Variants in TRIO observed in about 807,000 individuals in gnomAD.
TRIO encodes the protein triple functional domain protein.
In TRIO, 58 loss-of-function variants were observed where a neutral mutation model predicts 351.9. The observed-to-expected ratio is 0.16, with a 90% CI of 0.13 to 0.21. The LOEUF (loss-of-function observed/expected upper bound fraction) is 0.21, where lower values mean the gene tolerates loss of function less well. Among genes scored for constraint, TRIO ranks in the 10% least tolerant of loss-of-function variants. TRIO has a pLI of 1.00. For missense variants in TRIO, 3,201 were observed against 4,027.8 expected, an observed-to-expected ratio of 0.79 and a Z score of 5.56; for synonymous variants, 1,758 against 1,595.7, an observed-to-expected ratio of 1.10 and a Z score of -2.42.
intron 1 of TRIO, among the ~76,000 whole-genome samples, chr5:14,217,623 A>C (rs1007848083): frequency 6.6e-6 from 1 of 152,198 alleles, no homozygotes; most frequent in Non-Finnish European, 1.5e-5. Context: ...AATGATGACA[A>C]GGGCATACCT....
At chr5:14,245,262 T>G (rs1794366538) in intron 1 of TRIO, among the ~76,000 whole-genome samples, 2 of 152,224 alleles carry the variant, frequency 1.3e-5, no homozygotes, top group Admixed American at 6.5e-5. Flanking sequence ...GCTGGCACAG[T>G]TTCTCCATTA....
chr5:14,418,881 G>C (rs1749867050), intron 33 of TRIO: 1 of 152,282 alleles, frequency 6.6e-6, no homozygotes, highest in Non-Finnish European at 1.5e-5. Context: ...GGAGTTTACT[G>C]TCTAAGGGAA....
At chr5:14,216,101 C>G (rs1254170693) in intron 1 of TRIO, among the ~76,000 whole-genome samples, 1 of 152,204 alleles carries the variant, frequency 6.6e-6, no homozygotes, top group Admixed American at 6.5e-5. Context: ...AAGCTTGGCT[C>G]ACAGCAAGAG....
chr5:14,481,345 A>C (rs780220017), intron 44 of TRIO, 61 bp downstream of exon 44: 31 of 1,599,952 alleles, frequency 1.9e-5, no homozygotes, highest in Non-Finnish European at 2.6e-5. Context: ...CTAATCCCCA[A>C]GTGTCTCCTA....
intron 8 of TRIO, among the ~76,000 whole-genome samples, chr5:14,306,151 T>C (rs758698073): frequency 6.8e-6 from 1 of 146,238 alleles, no homozygotes; most frequent in Non-Finnish European, 1.6e-5. Context: ...GGGCAGTCCT[T>C]CTCTTTCCCG....
At chr5:14,379,388 T>C (rs1201278954) in intron 20 of TRIO, among the ~76,000 whole-genome samples, 1 of 152,178 alleles carries the variant, frequency 6.6e-6, no homozygotes, top group African/African-American at 2.4e-5. Context: ...AAAATGTAAG[T>C]CTAGAAGGAC....
In TRIO at chr5:14,488,038, G is replaced by A. The variant is rs1263655665; in HGVS notation, c.7410G>A (p.Lys2470=). 1.8e-5 allele frequency: 29 copies of A among 1,606,512 alleles called. No individual in the cohort carries two copies. The highest frequency in any genetic ancestry group is 2.4e-5 in the Non-Finnish European group (28 of 1,177,612). Residue 2470 remains lysine (K), a synonymous_variant, in exon 48 of 57, where the codon AAG becomes AAA. Coordinates refer to ENST00000344204, the MANE Select transcript of TRIO (RefSeq NM_007118.4). ...CCAGCGCGGTCCCTTCTCTCGGCAAGGAGCCCTTCCCCCCCAGCAGCCCCC... is the reference window on the plus strand; with the variant it reads ...CCAGCGCGGTCCCTTCTCTCGGCAAAGAGCCCTTCCCCCCCAGCAGCCCCC... The part of the protein sequence containing the change: ...PLSSAVPSLG[K]EPFPPSSPLQ...
chr5:14,497,973 G>T lies in TRIO; in HGVS notation c.8047+99G>T, dbSNP rs755124803. ...TGTGGCCTCTGGAAATGAGTTTTCC[G>T]TGGCGCTCTAGGCGTGCATAGCAGG... On this transcript the variant is annotated intron_variant, in intron 51 of 56. Coordinates refer to ENST00000344204, the MANE Select transcript of TRIO (RefSeq NM_007118.4). This position sits in a 1 kb window ranked among gnomAD's most constrained non-coding sequence, Gnocchi z 4.4. 2.5e-5 allele frequency: 40 copies of T among 1,609,816 alleles called. No homozygotes were observed. The highest frequency in any genetic ancestry group is 3.1e-5 in the Non-Finnish European group (37 of 1,176,374).
At chr5:14,258,168 G>A (rs1329521929) in intron 1 of TRIO, among the ~76,000 whole-genome samples, 1 of 152,258 alleles carries the variant, frequency 6.6e-6, no homozygotes, top group Non-Finnish European at 1.5e-5. Flanking sequence ...TGTAATGCTA[G>A]TGAAGTGCAG....
At chr5:14,224,795 C>G (rs1002884793) in intron 1 of TRIO, among the ~76,000 whole-genome samples, 5 of 151,888 alleles carry the variant, frequency 3.3e-5, no homozygotes, top group Admixed American at 2.6e-4. Context: ...TAACGAAGAA[C>G]TGAGAAACAG....
intron 1 of TRIO, among the ~76,000 whole-genome samples, chr5:14,159,321 CAAA>C (rs34735917): frequency 1.5e-3 from 212 of 140,430 alleles, no homozygotes; most frequent in African/African-American, 2.5e-3. Context: ...AAATCGCAGT[CAAA>C]AAAAAAAAAA....
Position 14,498,233 on chromosome 5 carries a change from A to G in TRIO, c.8192A>G (p.His2731Arg). The change falls in exon 52 of 57, where the codon CAC (histidine) becomes CGC (arginine). Residue 2731 changes from histidine to arginine, a missense_variant. This residue lies in a region of TRIO where 1,089 missense variants were observed against 954.9 expected (regional missense o/e 1.14). Coordinates refer to ENST00000344204, the MANE Select transcript of TRIO (RefSeq NM_007118.4). ...CACAACACCTTGAACAACGATGGTC[A>G]CTACAGCATCTCCTACAGGTGAGGG... Reference protein sequence around the residue: ...PEHNTLNNDGHYSISYSDLGE... With the variant: ...PEHNTLNNDGRYSISYSDLGE... The G allele has an allele frequency of 6.2e-7, 1 of 1,614,250 alleles. No individual in the cohort carries two copies. Among genetic ancestry groups the G allele is most frequent in the South Asian group, 1.1e-5 (1 of 91,088 alleles).
chr5:14,271,844 G>A (rs188737056), intron 2 of TRIO, among the ~76,000 whole-genome samples: 1 of 152,318 alleles, frequency 6.6e-6, no homozygotes, highest in Non-Finnish European at 1.5e-5. Flanking sequence ...TTGGACATGT[G>A]ATACTGCTAT....
chr5:14,197,460 T>A (rs984925315), intron 1 of TRIO, among the ~76,000 whole-genome samples: 2 of 151,620 alleles, frequency 1.3e-5, no homozygotes, highest in African/African-American at 4.9e-5. Flanking sequence ...TTTTCTTGTC[T>A]TCTTCTTATT....
chr5:14,148,393 ATTTAC>A (rs1031233034), intron 1 of TRIO, among the ~76,000 whole-genome samples: 9 of 152,096 alleles, frequency 5.9e-5, no homozygotes, highest in African/African-American at 2.2e-4. Context: ...TACTTTGTTT[ATTTAC>A]TTGACTATCG....
chr5:14,488,862 T>C, intron 48 of TRIO: 1 of 717,208 alleles, frequency 1.4e-6, no homozygotes, highest in Non-Finnish European at 2.5e-6. Flanking sequence ...TCTGGGCACC[T>C]GGCGAGGCGG....
intron 33 of TRIO, among the ~76,000 whole-genome samples, chr5:14,416,663 A>C (rs1749669590): frequency 6.6e-6 from 1 of 152,092 alleles, no homozygotes; most frequent in African/African-American, 2.4e-5. Context: ...GTTTTTGATT[A>C]CTCTTTAAGG....
chr5:14,360,954 A>G (rs1405344505), intron 13 of TRIO, among the ~76,000 whole-genome samples: 1 of 152,256 alleles, frequency 6.6e-6, no homozygotes, highest in Non-Finnish European at 1.5e-5. Context: ...CATGTGGAGA[A>G]GAGGCACCTG....
chr5:14,213,054 C>A (rs184395455), intron 1 of TRIO, among the ~76,000 whole-genome samples: 22 of 152,260 alleles, frequency 1.4e-4, no homozygotes, highest in Admixed American at 1.4e-3. Flanking sequence ...GAATTCAGAG[C>A]AGGTGTGAGG....
Sources: allele counts gnomAD v4.1 joint callset (sites outside exome capture counted in the v4.1 genomes callset), GRCh38; gene constraint gnomAD v4.1.1; regional missense constraint gnomAD v4.1.1; non-coding constraint Gnocchi (gnomAD v3.1); transcripts MANE v1.5; gene names NCBI Gene and HGNC (gene_info 2026-07-23, HGNC 2026-07-21).